Variants in PCDHGA3 observed in about 807,000 individuals in gnomAD.
PCDHGA3 encodes the protein protocadherin gamma-A3.
A neutral mutation model predicts 58.5 loss-of-function variants in PCDHGA3; 40 were observed. The ratio of observed to expected loss-of-function variants is 0.68; its 90% CI spans 0.53 to 0.89. The LOEUF (loss-of-function observed/expected upper bound fraction) is 0.89, where lower values mean the gene tolerates loss of function less well. PCDHGA3 is among the 40% of genes least tolerant of loss of function. The pLI is 0.00. For missense variants in PCDHGA3, 1,223 were observed against 1,195.9 expected, an observed-to-expected ratio of 1.02 and a Z score of -0.33; for synonymous variants, 530 against 525.7, an observed-to-expected ratio of 1.01 and a Z score of -0.11.
intron 1 of PCDHGA3, chr5:141,390,867 C>CGT (rs61319619): frequency 0.024 from 3,656 of 151,102 alleles, 86 homozygotes; most frequent in African/African-American, 0.056. Flanking sequence ...GCTGTGTGTG[C>CGT]GTGTGTGTGT....
intron 1 of PCDHGA3, among the ~76,000 whole-genome samples, chr5:141,453,080 A>T (rs1323212808): frequency 6.6e-6 from 1 of 151,960 alleles, no homozygotes; most frequent in Non-Finnish European, 1.5e-5. Context: ...ACTCTGGTTG[A>T]TTAGTATATT....
In PCDHGA3 at chr5:141,360,693, A is replaced by G. The variant is rs951041324; in HGVS notation, c.2424+14236A>G. 4 of 1,613,908 alleles carry G rather than the reference A, an allele frequency of 2.5e-6. No individual in the cohort carries two copies. In the African/African-American group the frequency reaches 5.3e-5, roughly 22 times the overall value. ...TTGATCTCGCTGAGAAACAGACTCC[A>G]GATGGTCGTAAATATCCTGAGTTGA... On this transcript the variant is annotated intron_variant, in intron 1 of 3. Transcript: ENST00000253812.
chr5:141,388,226 G>A, intron 1 of PCDHGA3: 1 of 1,605,056 alleles, frequency 6.2e-7, no homozygotes, highest in Non-Finnish European at 8.5e-7. Flanking sequence ...AAAATCCACT[G>A]AACTTTTATC....
intron 1 of PCDHGA3, chr5:141,387,617 T>C (rs1169967462): frequency 3.5e-6 from 2 of 570,390 alleles, no homozygotes; most frequent in African/African-American, 3.8e-5. Context: ...AGTTTCCTAG[T>C]GCTGACTCTG....
chr5:141,483,589 G>A (rs189449393), intron 1 of PCDHGA3, among the ~76,000 whole-genome samples: 17 of 152,214 alleles, frequency 1.1e-4, no homozygotes, highest in Admixed American at 1.1e-3. Context: ...ACACCTAATA[G>A]GTCAGGCTGG....
chr5:141,451,813 G>A (rs921877961), intron 1 of PCDHGA3, among the ~76,000 whole-genome samples: 13 of 150,788 alleles, frequency 8.6e-5, no homozygotes, highest in East Asian at 2.0e-4. Context: ...CCCAGGAGGC[G>A]GAGGTTACAG....
At chr5:141,435,067 T>C (rs1381741674) in intron 1 of PCDHGA3, among the ~76,000 whole-genome samples, 1 of 152,168 alleles carries the variant, frequency 6.6e-6, no homozygotes, top group African/African-American at 2.4e-5. Flanking sequence ...CAGTTTTGTG[T>C]AGACCGTCTG....
intron 1 of PCDHGA3, chr5:141,421,172 G>T: frequency 7.3e-7 from 1 of 1,366,164 alleles, no homozygotes. Flanking sequence ...AGATACATAA[G>T]CCGATTCACA....
In PCDHGA3 at chr5:141,489,198, C is replaced by G; in HGVS notation, c.2425-5609C>G. 1 of 1,392,402 alleles carries G rather than the reference C, an allele frequency of 7.2e-7. No individual in the cohort carries two copies. Among genetic ancestry groups the G allele is most frequent in the South Asian group, 1.4e-5 (1 of 71,348 alleles). The allele number at this position is 1,392,402 out of a possible 1,614,324, so 86.3% of individuals were successfully genotyped here. A position where few individuals can be genotyped will look rare whatever the true frequency, so the allele number is the denominator to read the frequency against. On this transcript the variant is annotated intron_variant, in intron 1 of 3. Coordinates refer to ENST00000253812, the MANE Select transcript of PCDHGA3 (RefSeq NM_018916.4). This position sits in a 1 kb window ranked among gnomAD's most constrained non-coding sequence, Gnocchi z 4.5. ...CCAAGCCCTGGGTCTACCTTGGAGA[C>G]AGGACAGCACAGACTTACTCTCCAC...
chr5:141,400,076 T>C, intron 1 of PCDHGA3: 2 of 1,613,932 alleles, frequency 1.2e-6, no homozygotes, highest in Non-Finnish European at 1.7e-6. Context: ...CAGCCGCCAC[T>C]CTCCGCCACC....
chr5:141,417,141 C>T (rs1455831459), intron 1 of PCDHGA3: 1 of 152,018 alleles, frequency 6.6e-6, no homozygotes, highest in Non-Finnish European at 1.5e-5. Context: ...ATGACTAGGG[C>T]AATGGTTGCA....
intron 1 of PCDHGA3, chr5:141,399,764 T>C: frequency 6.2e-7 from 1 of 1,613,252 alleles, no homozygotes; most frequent in Non-Finnish European, 8.5e-7. Flanking sequence ...AGCCTGCGCG[T>C]GTTGGTGGGC....
At chr5:141,398,009 C>T (rs1589315775) in intron 1 of PCDHGA3, 2 of 1,400,564 alleles carry the variant, frequency 1.4e-6, no homozygotes, top group Non-Finnish European at 1.9e-6. Flanking sequence ...GAAAAAGAAT[C>T]GTTTCCTAAA....
chr5:141,394,033 G>A, intron 1 of PCDHGA3: 7 of 1,613,540 alleles, frequency 4.3e-6, no homozygotes, highest in Non-Finnish European at 5.9e-6. Context: ...TTAGTGACAA[G>A]GAAATATTTG....
intron 1 of PCDHGA3, chr5:141,428,040 G>A: frequency 6.2e-7 from 1 of 1,608,668 alleles, no homozygotes; most frequent in Non-Finnish European, 8.5e-7. Flanking sequence ...CGGCTACCTG[G>A]TGACCAAGGT....
intron 2 of PCDHGA3, among the ~76,000 whole-genome samples, chr5:141,503,595 G>T (rs6892628): frequency 0.52 from 72,995 of 139,870 alleles, 19,322 homozygotes; most frequent in African/African-American, 0.64. Flanking sequence ...CGAGACTCCA[G>T]CTCAAAAAAA....
At chr5:141,426,657 A>G (rs1369635444) in intron 1 of PCDHGA3, 2 of 425,278 alleles carry the variant, frequency 4.7e-6, no homozygotes, top group Non-Finnish European at 9.7e-6. Flanking sequence ...GATAGAAGAT[A>G]TAAATGATAA....
rs758515649 is a variant in PCDHGA3 at position 141,432,368 on chromosome 5, A to G, written c.2425-62439A>G. On this transcript the variant is annotated intron_variant, in intron 1 of 3. Coordinates refer to ENST00000253812, the MANE Select transcript of PCDHGA3 (RefSeq NM_018916.4). This position sits in a 1 kb window ranked among gnomAD's most constrained non-coding sequence, Gnocchi z 6.0. ...GCAAGTGAAAGTGATGGCGCGGGAC[A>G]ACGGGCACCCGCCCCTCAGCAGCAA... 1.2e-6 allele frequency: 2 copies of G among 1,614,110 alleles called. No homozygotes were observed. Among genetic ancestry groups the G allele is most frequent in the Non-Finnish European group, 1.7e-6 (2 of 1,180,054 alleles).
intron 1 of PCDHGA3, chr5:141,478,344 A>G: frequency 6.2e-7 from 1 of 1,613,882 alleles, no homozygotes; most frequent in Non-Finnish European, 8.5e-7. Context: ...CCCTCCTTGC[A>G]CGCGGACGCC....
Sources: gnomAD v4.1 joint callset for allele counts (sites outside exome capture counted in the v4.1 genomes callset) on GRCh38, gnomAD v4.1.1 for gene constraint, Gnocchi (gnomAD v3.1) non-coding constraint, MANE v1.5 for transcripts, NCBI Gene and HGNC (gene_info 2026-07-23, HGNC 2026-07-21) for gene names.